UBE3C: variants seen among roughly 807,000 people sequenced by gnomAD.
The protein encoded by UBE3C is ubiquitin-protein ligase E3C.
A neutral mutation model predicts 129.4 loss-of-function variants in UBE3C; 42 were observed. The observed-to-expected ratio is 0.32, with a 90% CI of 0.25 to 0.42. UBE3C has a LOEUF of 0.42. Ranked by LOEUF, UBE3C falls within the 10% of genes least tolerant of loss-of-function variation. UBE3C has a pLI of 1.00. For missense variants in UBE3C, 1,049 were observed against 1,319.1 expected (o/e 0.80, Z 3.17); for synonymous variants, 510 against 492.4 (o/e 1.04, Z -0.47).
At position 157,267,546 on chromosome 7, in the gene UBE3C, CTT is replaced by C. The variant is rs749653547; in HGVS notation, c.3082-38_3082-37del. 7 of 1,608,922 alleles carry C rather than the reference CTT, an allele frequency of 4.4e-6. No homozygotes were observed. The South Asian group carries it at 7.8e-5, about 18-fold the overall frequency. ...GTATTAAAACTCATGTAATGCCATG[CTT>C]GTTACAGTGACATCTTGCACACATG... On this transcript the variant is annotated intron_variant, in intron 22 of 22. Transcript: ENST00000348165.
intron 22 of UBE3C, among the ~76,000 whole-genome samples, chr7:157,261,922 C>T (rs1343381691): frequency 6.6e-6 from 1 of 152,158 alleles, no homozygotes; most frequent in African/African-American, 2.4e-5. Flanking sequence ...AAATGGTGCC[C>T]TTGACTCAGA....
chr7:157,175,510 G>A (rs1366804208), intron 5 of UBE3C, among the ~76,000 whole-genome samples: 2 of 152,184 alleles, frequency 1.3e-5, no homozygotes, highest in Non-Finnish European at 1.5e-5. Context: ...GAAAGAACAC[G>A]TGTAAGTGAT....
intron 16 of UBE3C, 50 bp downstream of exon 16, chr7:157,223,401 G>T (rs1795791726): frequency 6.8e-7 from 1 of 1,471,914 alleles, no homozygotes; most frequent in South Asian, 1.3e-5. Context: ...TTAGTGTTAA[G>T]AAATTAACAC....
At chr7:157,225,574 G>C (rs756976544) in intron 17 of UBE3C, 35 bp downstream of exon 17, 2 of 1,522,694 alleles carry the variant, frequency 1.3e-6, no homozygotes, top group Admixed American at 2.4e-5. Context: ...TATTTGGCAG[G>C]TGGAGGCTAG....
intron 18 of UBE3C, among the ~76,000 whole-genome samples, chr7:157,243,605 C>G (rs77292122): frequency 0.036 from 5,515 of 152,196 alleles, 282 homozygotes; most frequent in African/African-American, 0.12. Flanking sequence ...TGCTGCTGTT[C>G]CTGCATGTGA....
intron 13 of UBE3C, among the ~76,000 whole-genome samples, chr7:157,211,360 C>A (rs143594017): frequency 6.6e-6 from 1 of 152,152 alleles, no homozygotes; most frequent in Non-Finnish European, 1.5e-5. Context: ...AAGCTTGTAG[C>A]GCTGTGCCTT....
intron 1 of UBE3C, 47 bp downstream of exon 1, chr7:157,139,385 CCGGGGCT>C: frequency 8.2e-7 from 1 of 1,216,128 alleles, no homozygotes; most frequent in Non-Finnish European, 1.1e-6. Flanking sequence ...GCCTGCGCGG[CCGGGGCT>C]CGGGGCTGGG....
At chr7:157,248,193 C>T (rs201813782) in intron 18 of UBE3C, among the ~76,000 whole-genome samples, 175 bp from the exon 19 acceptor site, 7 of 152,148 alleles carry the variant, frequency 4.6e-5, no homozygotes, top group East Asian at 3.9e-4. Context: ...AATGCCTGCA[C>T]GGGATCCTGG....
At chr7:157,242,950 G>A (rs1238132837) in intron 18 of UBE3C, among the ~76,000 whole-genome samples, 1 of 152,066 alleles carries the variant, frequency 6.6e-6, no homozygotes, top group Non-Finnish European at 1.5e-5. Context: ...AGCTACTTGG[G>A]AGGCTGAGGT....
chr7:157,207,761 G>T lies in UBE3C; in HGVS notation c.1635G>T (p.Leu545Phe). ...TTACTTTAGAAGAGCTGATAATGTT[G>T]TCTCGATGCCTTCGAGATGCATGCC... ...MPFTLEELIM[L>F]SRCLRDACLG... Residue 545 changes from leucine to phenylalanine, a missense_variant, in exon 13 of 23, where the codon TTG (leucine) becomes TTT (phenylalanine). Physicochemically the swap from Leu to Phe is conservative, Grantham distance 22. Around this residue, in one of 4 missense-constraint regions of UBE3C, gnomAD observed 314 missense variants for 416.9 expected, o/e 0.75. Coordinates refer to ENST00000348165, the MANE Select transcript of UBE3C (RefSeq NM_014671.3). 1 of 1,614,148 alleles carries T rather than the reference G, an allele frequency of 6.2e-7. No individual in the cohort carries two copies.
intron 1 of UBE3C, among the ~76,000 whole-genome samples, chr7:157,156,114 A>C (rs1054310086): frequency 6.6e-6 from 1 of 151,978 alleles, no homozygotes; most frequent in Admixed American, 6.6e-5. Context: ...CCTCCCAGCC[A>C]CTCAGTGGTG....
chr7:157,179,573 C>A (rs569196189), intron 6 of UBE3C, among the ~76,000 whole-genome samples: 1 of 152,250 alleles, frequency 6.6e-6, no homozygotes, highest in African/African-American at 2.4e-5. Flanking sequence ...TCTCGACATC[C>A]TCATAGGTAG....
At chr7:157,182,998 C>T (rs958719220) in intron 8 of UBE3C, among the ~76,000 whole-genome samples, 1 of 152,178 alleles carries the variant, frequency 6.6e-6, no homozygotes, top group Non-Finnish European at 1.5e-5. Flanking sequence ...CCACCCGCCT[C>T]GGCTTCCCAC....
At chr7:157,223,034 C>CT (rs1381635963) in intron 15 of UBE3C, 2 of 479,068 alleles carry the variant, frequency 4.2e-6, no homozygotes, top group Non-Finnish European at 7.6e-6. Flanking sequence ...ATTAGGACAT[C>CT]TTTAATATTC....
chr7:157,167,830 C>G (rs1179892594), intron 2 of UBE3C, among the ~76,000 whole-genome samples: 1 of 152,140 alleles, frequency 6.6e-6, no homozygotes, highest in East Asian at 1.9e-4. Context: ...GCCACCATGC[C>G]TGGCCTAAAG....
At chr7:157,176,977 C>T (rs963486557) in intron 5 of UBE3C, among the ~76,000 whole-genome samples, 4 of 152,176 alleles carry the variant, frequency 2.6e-5, no homozygotes, top group African/African-American at 9.7e-5. Context: ...TAAATGTGGC[C>T]TTCCAGAACC....
At chr7:157,208,055 CTTTTTTTTTTTTTT>C (rs35366316) in intron 13 of UBE3C, 120 bp downstream of exon 13, 30 of 93,708 alleles carry the variant, frequency 3.2e-4, no homozygotes, top group South Asian at 5.7e-4. Flanking sequence ...ATTTGCAAGA[CTTTTTTTTTTTTTT>C]TTTTTTTTTT....
intron 2 of UBE3C, among the ~76,000 whole-genome samples, chr7:157,165,284 A>G (rs1251662952): frequency 6.6e-6 from 1 of 150,816 alleles, no homozygotes; most frequent in Non-Finnish European, 1.5e-5. Flanking sequence ...GTCGTTTCCC[A>G]TATTTCCCTC....
chr7:157,244,827 C>A (rs10271990), intron 18 of UBE3C, among the ~76,000 whole-genome samples: 2 of 152,018 alleles, frequency 1.3e-5, no homozygotes, highest in South Asian at 4.1e-4. Flanking sequence ...TTGAAAAATT[C>A]GTTACAGGTC....
Sources: allele counts gnomAD v4.1 joint callset (sites outside exome capture counted in the v4.1 genomes callset), GRCh38; gene constraint gnomAD v4.1.1; regional missense constraint gnomAD v4.1.1; transcripts MANE v1.5; gene names NCBI Gene and HGNC (gene_info 2026-07-23, HGNC 2026-07-21).